The following COPB1 variants were observed in gnomAD, a reference collection of about 807,000 sequenced individuals.
COPB1 encodes coatomer subunit beta.
Under a neutral mutation model 108.7 loss-of-function variants are expected in COPB1, and 21 were observed. The observed-to-expected ratio is 0.19, with a 90% CI of 0.14 to 0.28. The LOEUF (loss-of-function observed/expected upper bound fraction) is 0.28, where lower values mean the gene tolerates loss of function less well. COPB1 is among the 10% of genes least tolerant of loss of function. COPB1 has a pLI of 1.00. For synonymous variants in COPB1, 378 were observed against 386.8 expected, an observed-to-expected ratio of 0.98 and a Z score of 0.27; for missense variants, 919 against 1,141.3, an observed-to-expected ratio of 0.81 and a Z score of 2.81.
intron 10 of COPB1, 136 bp from the exon 11 acceptor site, chr11:14,479,850 C>A (rs1850622886): frequency 2.3e-6 from 2 of 861,590 alleles, no homozygotes; most frequent in South Asian, 3.9e-5. Flanking sequence ...GCTGCCCAGG[C>A]TAGAGAATAG....
chr11:14,461,026 G>A (rs1352424373), intron 19 of COPB1, among the ~76,000 whole-genome samples, 160 bp downstream of exon 19: 1 of 152,134 alleles, frequency 6.6e-6, no homozygotes, highest in African/African-American at 2.4e-5. Flanking sequence ...CTACTTACAT[G>A]ATTTTTAGTT....
At chr11:14,470,632 C>T (rs1724522592) in intron 14 of COPB1, among the ~76,000 whole-genome samples, 1 of 151,944 alleles carries the variant, frequency 6.6e-6, no homozygotes, top group African/African-American at 2.4e-5. Flanking sequence ...TACTGGAGGC[C>T]TGGGAAAAAC....
chr11:14,478,268 T>A (rs904744295), intron 11 of COPB1, among the ~76,000 whole-genome samples: 1 of 151,616 alleles, frequency 6.6e-6, no homozygotes, highest in African/African-American at 2.4e-5. Context: ...AATCTCTTAC[T>A]ACTCTAAGAA....
chr11:14,474,721 T>C, intron 13 of COPB1, 106 bp from the exon 14 acceptor site: 3 of 1,455,866 alleles, frequency 2.1e-6, no homozygotes. Flanking sequence ...TTACCATCCT[T>C]CAGTGATAAG....
At position 14,480,859 on chromosome 11, in the gene COPB1, G is replaced by C; in HGVS notation, c.1112C>G (p.Ser371Cys). ...GTATTTGTCAGTATCTTCATGCTCAGACACATTATTTGTTTTTATCACTTC... is the reference window on the plus strand; with the variant it reads ...GTATTTGTCAGTATCTTCATGCTCACACACATTATTTGTTTTTATCACTTC... ...KKEVIKTNNV[S>C]EHEDTDKYRQ... The change falls in exon 10 of 22, where the codon TCT becomes TGT. Residue 371 changes from serine (S) to cysteine (C), a missense_variant. Transcript: ENST00000439561. The C allele has an allele frequency of 3.7e-6, 6 of 1,613,964 alleles. No individual in the cohort carries two copies. Among genetic ancestry groups the C allele is most frequent in the Non-Finnish European group, 5.1e-6 (6 of 1,179,876 alleles).
At chr11:14,497,215 C>T (rs1589971304) in intron 2 of COPB1, among the ~76,000 whole-genome samples, 1 of 151,874 alleles carries the variant, frequency 6.6e-6, no homozygotes, top group Non-Finnish European at 1.5e-5. Flanking sequence ...AAAAAGCTTC[C>T]GCACAGCAAA....
In COPB1 at chr11:14,460,290, A is replaced by G; in HGVS notation, c.2564T>C (p.Val855Ala). 6.2e-7 allele frequency: 1 copy of G among 1,606,530 alleles called. No individual in the cohort carries two copies. The highest frequency in any genetic ancestry group is 8.5e-7 in the Non-Finnish European group (1 of 1,174,882). Reference sequence around the variant, plus strand: ...ATTTAAATCAACCATGTTGGTGTTAACTGTCACCTGTAGAGAGGAAAAAAA... The same window carrying G: ...ATTTAAATCAACCATGTTGGTGTTAGCTGTCACCTGTAGAGAGGAAAAAAA... The part of the protein sequence containing the change: ...AEFEWENKVT[V>A]NTNMVDLNDY... The change falls in exon 20 of 22, where the codon GTT becomes GCT. Residue 855 changes from valine to alanine, a missense_variant. Around this residue, in one of 5 missense-constraint regions of COPB1, gnomAD observed 705 missense variants for 817.8 expected, o/e 0.86. Transcript: ENST00000439561.
rs565923092 is a variant in COPB1 at position 14,469,695 on chromosome 11, C to A, written c.1738-132G>T. 1.3e-5 allele frequency: 10 copies of A among 784,690 alleles called. No homozygotes were observed. In the East Asian group the frequency reaches 2.1e-4, roughly 17 times the overall value. 48.6% of individuals were successfully genotyped at this position (784,690 alleles called of 1,614,324 possible). On this transcript the variant is annotated intron_variant, in intron 14 of 21. Coordinates refer to ENST00000439561, the MANE Select transcript of COPB1 (RefSeq NM_001144061.2). ...ATTTCAAATTCTTTGGATTTTATGT[C>A]CATATCTGTTTTTGCATTCTTCTCC... is the stretch of plus-strand genomic sequence containing the variant.
Position 14,461,252 on chromosome 11 carries a change from G to A in COPB1, c.2490C>T (p.Ile830=). 1.2e-6 allele frequency: 2 copies of A among 1,614,116 alleles called. No homozygotes were observed. The highest frequency in any genetic ancestry group is 1.7e-6 in the Non-Finnish European group (2 of 1,180,012). ...SDIHIDIMDY[I]QPATCTDAEF... The stretch of plus-strand genomic sequence containing the variant: ...CTGCATCAGTGCAAGTTGCAGGCTG[G>A]ATATAGTCCATGATGTCGATGTGAA... The change falls in exon 19 of 22, where the codon ATC becomes ATT. Residue 830 remains isoleucine, a synonymous_variant. Coordinates refer to ENST00000439561, the MANE Select transcript of COPB1 (RefSeq NM_001144061.2).
intron 18 of COPB1, among the ~76,000 whole-genome samples, chr11:14,464,198 T>C (rs764827847): frequency 1.3e-5 from 2 of 152,202 alleles, no homozygotes; most frequent in Non-Finnish European, 2.9e-5. Context: ...TGTCTATCTG[T>C]AGTCTTCTAC....
At position 14,498,930 on chromosome 11, in the gene COPB1, G is replaced by C. The variant is rs1851087954; in HGVS notation, c.-2C>G. 6 of 1,603,842 alleles carry C rather than the reference G, an allele frequency of 3.7e-6. No individual in the cohort carries two copies. In the African/African-American group the frequency reaches 8.1e-5, roughly 22 times the overall value. On this transcript the variant is annotated 5_prime_UTR_variant, in exon 2 of 22. Transcript: ENST00000439561. Reference sequence around the variant, plus strand: ...GCATACGTTCTCAGCCGCCGTCATGGTTTCTGGTTATATTATAACCAATCC... The same window carrying C: ...GCATACGTTCTCAGCCGCCGTCATGCTTTCTGGTTATATTATAACCAATCC...
At chr11:14,463,581 A>G (rs1850210172) in intron 18 of COPB1, among the ~76,000 whole-genome samples, 1 of 152,150 alleles carries the variant, frequency 6.6e-6, no homozygotes, top group Admixed American at 6.5e-5. Context: ...CGGTCTCCCA[A>G]AGTGCTGGAA....
intron 14 of COPB1, 182 bp downstream of exon 14, chr11:14,474,313 C>T (rs1850469703): frequency 4.7e-6 from 2 of 429,906 alleles, no homozygotes; most frequent in Non-Finnish European, 8.1e-6. Flanking sequence ...AAAGCCCAAA[C>T]AGAAGAGGAA....
At chr11:14,491,032 GC>G (rs1435734049) in intron 4 of COPB1, among the ~76,000 whole-genome samples, 1 of 151,730 alleles carries the variant, frequency 6.6e-6, no homozygotes, top group Non-Finnish European at 1.5e-5. Context: ...CTCATGATTT[GC>G]CCACCTTGGC....
intron 4 of COPB1, among the ~76,000 whole-genome samples, chr11:14,491,690 A>C (rs534226609): frequency 2.0e-5 from 3 of 149,310 alleles, no homozygotes; most frequent in African/African-American, 7.4e-5. Context: ...AAAAAAAGGA[A>C]CTGGTAGAAG....
At chr11:14,482,938 A>T in intron 8 of COPB1, 94 bp downstream of exon 8, 1 of 1,182,250 alleles carries the variant, frequency 8.5e-7, no homozygotes, top group Non-Finnish European at 1.2e-6. Context: ...TCAGTTTCCA[A>T]GCATTTAGGT....
intron 17 of COPB1, 76 bp from the exon 18 acceptor site, chr11:14,465,106 CACACTA>C: frequency 9.3e-7 from 1 of 1,075,154 alleles, no homozygotes; most frequent in South Asian, 1.8e-5. Context: ...CACACACACA[CACACTA>C]ACCATAAAAC....
At chr11:14,461,442 T>C in intron 18 of COPB1, 111 bp from the exon 19 acceptor site, 3 of 1,071,890 alleles carry the variant, frequency 2.8e-6, no homozygotes, top group South Asian at 1.6e-5. Context: ...AGATTGTTTA[T>C]ATAATACTTA....
chr11:14,457,720 T>C lies in COPB1; in HGVS notation c.*104A>G. 1.3e-6 allele frequency: 1 copy of C among 751,172 alleles called. No homozygotes were observed. 46.5% of individuals were successfully genotyped at this position (751,172 alleles called of 1,614,324 possible). ...ATTATTGGCTGAAAAGTATTCAGCA[T>C]GAACTCAGATTCTATATAAGCATGA... On this transcript the variant is annotated 3_prime_UTR_variant, in exon 22 of 22. Transcript: ENST00000439561.
Sources: allele counts gnomAD v4.1 joint callset (sites outside exome capture counted in the v4.1 genomes callset), GRCh38; gene constraint gnomAD v4.1.1; regional missense constraint gnomAD v4.1.1; transcripts MANE v1.5; gene names NCBI Gene and HGNC (gene_info 2026-07-23, HGNC 2026-07-21).